Variants in BMPR1B observed in about 807,000 individuals in gnomAD.
BMPR1B encodes the protein bone morphogenetic protein receptor type-1B.
A neutral mutation model predicts 59.1 loss-of-function variants in BMPR1B; 12 were observed. The ratio of observed to expected loss-of-function variants is 0.20; its 90% confidence interval spans 0.13 to 0.33. BMPR1B has a LOEUF of 0.33. BMPR1B is among the 10% of genes least tolerant of loss of function. The probability of loss-of-function intolerance (pLI) is 1.00; values close to 1 mark genes in which losing one functional copy is unlikely to be tolerated. For missense variants in BMPR1B, 550 were observed against 610.9 expected (o/e 0.90, Z 1.05); for synonymous variants, 237 against 207.3 (o/e 1.14, Z -1.23).
At chr4:95,112,480 T>G (rs551178207) in intron 4 of BMPR1B, among the ~76,000 whole-genome samples, 7 of 152,142 alleles carry the variant, frequency 4.6e-5, no homozygotes, top group Non-Finnish European at 8.8e-5. Flanking sequence ...TTCTTGAACT[T>G]CTGTAATTGT....
intron 10 of BMPR1B, among the ~76,000 whole-genome samples, chr4:95,138,378 CTG>C (rs1733964453): frequency 6.6e-6 from 1 of 152,114 alleles, no homozygotes; most frequent in Non-Finnish European, 1.5e-5. Context: ...TTTCACAATT[CTG>C]TGTCTTGGAG....
At chr4:95,133,917 G>A (rs1222920551) in intron 10 of BMPR1B, among the ~76,000 whole-genome samples, 3 of 151,462 alleles carry the variant, frequency 2.0e-5, no homozygotes, top group East Asian at 3.9e-4. Context: ...TAGGGTACAC[G>A]TGCACAACGT....
chr4:95,029,932 T>G (rs866966808), intron 3 of BMPR1B, among the ~76,000 whole-genome samples: 2 of 152,332 alleles, frequency 1.3e-5, no homozygotes, highest in Middle Eastern at 6.8e-3. Flanking sequence ...AAGTGTCTGT[T>G]CATATCCTTT....
intron 2 of BMPR1B, among the ~76,000 whole-genome samples, chr4:94,934,446 A>C (rs1578819718): frequency 8.3e-6 from 1 of 120,210 alleles, no homozygotes; most frequent in African/African-American, 3.4e-5. Context: ...AACTTTTCCC[A>C]GCTATGGTTT....
intron 3 of BMPR1B, among the ~76,000 whole-genome samples, chr4:95,006,541 GAT>G (rs1722848456): frequency 7.1e-6 from 1 of 141,656 alleles, no homozygotes. Context: ...AATACCTTCT[GAT>G]TTTTTTTTTT....
At chr4:95,033,183 A>G (rs562974853) in intron 3 of BMPR1B, among the ~76,000 whole-genome samples, 3 of 152,258 alleles carry the variant, frequency 2.0e-5, no homozygotes, top group African/African-American at 4.8e-5. Context: ...TATATTCTCA[A>G]TATTAACCCT....
Position 95,148,886 on chromosome 4 carries a change from C to T in BMPR1B, c.1215C>T (p.Leu405=). The T allele has an allele frequency of 2.5e-6, 4 of 1,614,042 alleles. No homozygotes were observed. Among genetic ancestry groups the T allele is most frequent in the Non-Finnish European group, 3.4e-6 (4 of 1,179,926 alleles). Residue 405 remains leucine (L), a synonymous_variant, in exon 11 of 13, where the codon CTC becomes CTT. Coordinates refer to ENST00000515059, the MANE Select transcript of BMPR1B (RefSeq NM_001203.3). The stretch of plus-strand genomic sequence containing the variant: ...TGGCTGACATGTATAGTTTTGGCCT[C>T]ATCCTTTGGGAGGTTGCTAGGAGAT... ...YIMADMYSFG[L]ILWEVARRCV... is the part of the protein sequence containing the mutation.
intron 3 of BMPR1B, among the ~76,000 whole-genome samples, chr4:95,087,534 C>T (rs1205123150): frequency 6.6e-6 from 1 of 152,032 alleles, no homozygotes; most frequent in South Asian, 2.1e-4. Flanking sequence ...AGTTCAAGAC[C>T]TGCCTGGACA....
intron 2 of BMPR1B, among the ~76,000 whole-genome samples, chr4:94,972,711 A>G (rs1422118832): frequency 6.6e-6 from 1 of 152,178 alleles, no homozygotes; most frequent in East Asian, 1.9e-4. Context: ...AGACCTATGC[A>G]AGTTTCAGCT....
intron 3 of BMPR1B, among the ~76,000 whole-genome samples, chr4:95,103,959 G>A (rs1731004338): frequency 6.6e-6 from 1 of 151,800 alleles, no homozygotes; most frequent in South Asian, 2.1e-4. Flanking sequence ...ATGGTAGATA[G>A]ACAGTTTTAA....
intron 2 of BMPR1B, among the ~76,000 whole-genome samples, chr4:94,979,169 C>G (rs1731143471): frequency 6.6e-6 from 1 of 152,088 alleles, no homozygotes; most frequent in Non-Finnish European, 1.5e-5. Flanking sequence ...ATTATGAGAG[C>G]TACAGTTCAA....
intron 1 of BMPR1B, among the ~76,000 whole-genome samples, chr4:94,863,545 T>G (rs1481376318): frequency 6.6e-6 from 1 of 152,190 alleles, no homozygotes; most frequent in Admixed American, 6.5e-5. Context: ...AAAATAGCCC[T>G]CTGTATTTAG....
chr4:95,139,692 TGGGCGTGGGACCCTCCGAGCC>T lies in BMPR1B; in HGVS notation c.1076+8196_1076+8216del, dbSNP rs574550257. 5.2e-4 allele frequency among the ~76,000 whole-genome samples: 79 copies of T among 151,660 alleles called. No individual in the cohort carries two copies. In the South Asian group the frequency reaches 8.7e-3, roughly 17 times the overall value. ...TGTGCTAGCAATGAGCGAGGCTCCATGGGCGTGGGACCCTCCGAGCCGGGCGTGGGACCCTCGGAGCCATGC... is the reference window on the plus strand; with the variant it reads ...TGTGCTAGCAATGAGCGAGGCTCCATGGGCGTGGGACCCTCGGAGCCATGC... On this transcript the variant is annotated intron_variant, in intron 10 of 12. Coordinates refer to ENST00000515059, the MANE Select transcript of BMPR1B (RefSeq NM_001203.3).
chr4:94,954,288 G>A (rs1039990068), intron 2 of BMPR1B, among the ~76,000 whole-genome samples: 23 of 152,134 alleles, frequency 1.5e-4, no homozygotes, highest in African/African-American at 3.1e-4. Flanking sequence ...TTTTCTCTCC[G>A]TCTAACATGT....
In BMPR1B at chr4:95,016,696, C is replaced by T. The variant is rs1043854283; in HGVS notation, c.-18+20562C>T. Among the ~76,000 whole-genome samples the T allele has an allele frequency of 4.6e-5, 7 of 152,106 alleles. No homozygotes were observed. The South Asian group carries it at 6.2e-4, about 13-fold the overall frequency. On this transcript the variant is annotated intron_variant, in intron 3 of 12. Coordinates refer to ENST00000515059, the MANE Select transcript of BMPR1B (RefSeq NM_001203.3). ...TTTCCACATCTACTCCTGACTTTTG[C>T]GGGGTCCAGGGCAAGAGTACAAATG...
chr4:94,817,643 G>A (rs1275740861), intron 1 of BMPR1B, among the ~76,000 whole-genome samples: 1 of 152,102 alleles, frequency 6.6e-6, no homozygotes, highest in Non-Finnish European at 1.5e-5. Flanking sequence ...ACCTGTGCCT[G>A]TGTCAAATTG....
chr4:95,126,130 A>AT (rs2149293959), intron 8 of BMPR1B, among the ~76,000 whole-genome samples: 1 of 152,172 alleles, frequency 6.6e-6, no homozygotes, highest in African/African-American at 2.4e-5. Context: ...ATAACATTTT[A>AT]TTTTTAGCAC....
intron 3 of BMPR1B, among the ~76,000 whole-genome samples, chr4:95,044,287 T>C (rs1217103388): frequency 6.6e-6 from 1 of 152,220 alleles, no homozygotes; most frequent in Non-Finnish European, 1.5e-5. Context: ...AGCTTTAAAC[T>C]TTATTAAGTC....
At chr4:95,030,249 G>A (rs1262517312) in intron 3 of BMPR1B, among the ~76,000 whole-genome samples, 1 of 152,106 alleles carries the variant, frequency 6.6e-6, no homozygotes, top group Non-Finnish European at 1.5e-5. Context: ...TATGGTTTTA[G>A]GTCTAATGTT....
Sources: allele counts gnomAD v4.1 joint callset (sites outside exome capture counted in the v4.1 genomes callset), GRCh38; gene constraint gnomAD v4.1.1; transcripts MANE v1.5; gene names NCBI Gene and HGNC (gene_info 2026-07-23, HGNC 2026-07-21).